Variants in FMNL2 observed in about 807,000 individuals in gnomAD.
FMNL2 encodes formin-like protein 2.
FMNL2 carries 51 observed loss-of-function variants against 130.2 expected under a neutral mutation model. That is an observed-to-expected ratio of 0.39 (90% CI 0.31 to 0.49). FMNL2 has a LOEUF of 0.49. Among genes scored for constraint, FMNL2 ranks in the 20% least tolerant of loss-of-function variants. The pLI is 0.85. For missense variants in FMNL2, 977 were observed against 1,316.2 expected (o/e 0.74, Z 3.99); for synonymous variants, 465 against 467.1 (o/e 1.00, Z 0.06).
intron 1 of FMNL2, among the ~76,000 whole-genome samples, chr2:152,510,461 T>C (rs1157757627): frequency 4.6e-5 from 7 of 152,236 alleles, no homozygotes; most frequent in African/African-American, 7.2e-5. Flanking sequence ...GTTGCTCTTA[T>C]GTCAGTTGTT....
intron 1 of FMNL2, among the ~76,000 whole-genome samples, chr2:152,415,241 G>A (rs114235580): frequency 0.024 from 3,615 of 152,088 alleles, 131 homozygotes; most frequent in African/African-American, 0.083. Context: ...TGATGGAGGA[G>A]TTTTTGAATC....
Position 152,521,982 on chromosome 2 carries a change from C to T in FMNL2, c.157C>T (p.Arg53Trp), listed in dbSNP as rs375469230. Reference sequence around the variant, plus strand: ...ACCTCCTGACAAAGCCAGGTTACTGCGGCAGTATGATAATGAGAAAAAATG... The same window carrying T: ...ACCTCCTGACAAAGCCAGGTTACTGTGGCAGTATGATAATGAGAAAAAATG... ...NLPPDKARLLRQYDNEKKWEL... is the reference protein window; with the variant it reads ...NLPPDKARLLWQYDNEKKWEL... Residue 53 changes from arginine (R) to tryptophan (W), a missense_variant, in exon 2 of 26, where the codon CGG (arginine) becomes TGG (tryptophan). By Grantham distance (101) the Arg-to-Trp change is moderately radical. Transcript: ENST00000288670. 1.7e-5 allele frequency: 27 copies of T among 1,611,620 alleles called. No individual in the cohort carries two copies. Among genetic ancestry groups the T allele is most frequent in the Middle Eastern group, 1.6e-4 (1 of 6,072 alleles).
intron 4 of FMNL2, among the ~76,000 whole-genome samples, chr2:152,558,081 T>C (rs1695324219): frequency 6.6e-6 from 1 of 152,202 alleles, no homozygotes; most frequent in Non-Finnish European, 1.5e-5. Context: ...ACCATTCAAA[T>C]GCAAGGAGGT....
intron 4 of FMNL2, among the ~76,000 whole-genome samples, chr2:152,550,110 C>T (rs562830316): frequency 6.6e-6 from 1 of 152,258 alleles, no homozygotes; most frequent in South Asian, 2.1e-4. Context: ...TTTTCCCCCC[C>T]TCATCAATGT....
At chr2:152,468,129 T>G (rs1035691070) in intron 1 of FMNL2, among the ~76,000 whole-genome samples, 3 of 152,220 alleles carry the variant, frequency 2.0e-5, no homozygotes, top group Non-Finnish European at 2.9e-5. Context: ...ATGGCTTCAG[T>G]GTAGCACTGA....
At chr2:152,339,319 C>T (rs926620832) in intron 1 of FMNL2, among the ~76,000 whole-genome samples, 1 of 152,148 alleles carries the variant, frequency 6.6e-6, no homozygotes, top group African/African-American at 2.4e-5. Flanking sequence ...GTTACATACA[C>T]ACATCCACAA....
In FMNL2 at chr2:152,368,293, C is replaced by T. The variant is rs150157652; in HGVS notation, c.117+32573C>T. On this transcript the variant is annotated intron_variant, in intron 1 of 25. Transcript: ENST00000288670. ...AGAAGATGATCTTTTAGCCTTTCAT[C>T]CTTTATTGCCTTTGGTCTCTGTTTC... 9.9e-3 allele frequency among the ~76,000 whole-genome samples: 1,514 copies of T among 152,214 alleles called. 18 individuals carry two copies. Among genetic ancestry groups the T allele is most frequent in the African/African-American group, 0.035 (1,441 of 41,508 alleles).
chr2:152,644,247 A>G (rs575021281), intron 25 of FMNL2, among the ~76,000 whole-genome samples: 1 of 152,302 alleles, frequency 6.6e-6, no homozygotes, highest in Admixed American at 6.5e-5. Context: ...AAAACAAAAC[A>G]TACTGTTCTA....
At chr2:152,513,108 T>C (rs1692575980) in intron 1 of FMNL2, among the ~76,000 whole-genome samples, 2 of 152,216 alleles carry the variant, frequency 1.3e-5, no homozygotes, top group Admixed American at 1.3e-4. Flanking sequence ...TTAAACTGCA[T>C]AACCTGATGT....
chr2:152,585,582 C>T (rs1056875766), intron 9 of FMNL2, among the ~76,000 whole-genome samples: 7 of 152,160 alleles, frequency 4.6e-5, no homozygotes, highest in Non-Finnish European at 1.0e-4. Context: ...GGCAGGCATT[C>T]CTAAAATGTG....
At chr2:152,519,471 C>T (rs1692953739) in intron 1 of FMNL2, among the ~76,000 whole-genome samples, 2 of 152,188 alleles carry the variant, frequency 1.3e-5, no homozygotes, top group South Asian at 2.1e-4. Flanking sequence ...AACGACAGAG[C>T]CTGTGTGTAA....
intron 2 of FMNL2, among the ~76,000 whole-genome samples, chr2:152,529,856 A>G (rs1220641138): frequency 6.6e-6 from 1 of 152,126 alleles, no homozygotes; most frequent in Non-Finnish European, 1.5e-5. Context: ...TGATAGAAAT[A>G]CTCTGTCAGA....
intron 1 of FMNL2, among the ~76,000 whole-genome samples, chr2:152,430,613 C>G (rs1028914093): frequency 3.9e-5 from 6 of 152,176 alleles, no homozygotes; most frequent in African/African-American, 1.2e-4. Context: ...TGGCTCACGC[C>G]TGTAATCCTA....
intron 1 of FMNL2, among the ~76,000 whole-genome samples, chr2:152,422,992 A>G (rs1415731498): frequency 6.6e-6 from 1 of 152,226 alleles, no homozygotes; most frequent in Admixed American, 6.5e-5. Context: ...CTAGCTGGCT[A>G]TGAAGAAGAA....
At chr2:152,339,926 A>T (rs1681702859) in intron 1 of FMNL2, among the ~76,000 whole-genome samples, 1 of 152,136 alleles carries the variant, frequency 6.6e-6, no homozygotes, top group African/African-American at 2.4e-5. Flanking sequence ...CACCCCTATA[A>T]TCCCAGCACT....
chr2:152,422,775 C>T (rs1050177506), intron 1 of FMNL2, among the ~76,000 whole-genome samples: 3 of 152,144 alleles, frequency 2.0e-5, no homozygotes, highest in South Asian at 2.1e-4. Context: ...GGAATTCACC[C>T]GCCTAGGCTC....
intron 1 of FMNL2, among the ~76,000 whole-genome samples, chr2:152,338,010 T>G (rs1346593715): frequency 6.7e-6 from 1 of 149,610 alleles, no homozygotes. Context: ...GCAGTGTTGG[T>G]GATTTCTCTT....
At chr2:152,372,706 C>G (rs1445754096) in intron 1 of FMNL2, among the ~76,000 whole-genome samples, 1 of 152,170 alleles carries the variant, frequency 6.6e-6, no homozygotes, top group African/African-American at 2.4e-5. Flanking sequence ...GCGGCCTGAA[C>G]ATTGGCTGTT....
intron 1 of FMNL2, among the ~76,000 whole-genome samples, chr2:152,488,546 T>C (rs1224332207): frequency 6.6e-6 from 1 of 152,230 alleles, no homozygotes; most frequent in Non-Finnish European, 1.5e-5. Context: ...TAACGTATAA[T>C]TTAGTTACTG....
Sources: gnomAD v4.1 joint callset for allele counts (sites outside exome capture counted in the v4.1 genomes callset) on GRCh38, gnomAD v4.1.1 for gene constraint, MANE v1.5 for transcripts, NCBI Gene and HGNC (gene_info 2026-07-23, HGNC 2026-07-21) for gene names.